Variants in PCDH15 observed in about 807,000 individuals in gnomAD.
PCDH15 encodes protocadherin-15.
In PCDH15, 129 loss-of-function variants were observed where a neutral mutation model predicts 178.5. The ratio of observed to expected loss-of-function variants is 0.72; its 90% CI spans 0.63 to 0.84. The LOEUF (loss-of-function observed/expected upper bound fraction) is 0.84, where lower values mean the gene tolerates loss of function less well. Among genes scored for constraint, PCDH15 ranks in the 40% least tolerant of loss-of-function variants. The probability of loss-of-function intolerance (pLI) is 0.00; values close to 1 mark genes in which losing one functional copy is unlikely to be tolerated. For synonymous variants in PCDH15, 800 were observed against 732.0 expected (o/e 1.09, Z -1.50); for missense variants, 2,230 against 2,099.9 (o/e 1.06, Z -1.21).
In PCDH15 at chr10:55,568,877, A is replaced by G. The variant is rs537106931; in HGVS notation, c.-156+58748T>C. ...GGTCTTAAAGCCATGTCCTCGCTGC[A>G]TCTGTCACTGCATGCAGGATTCTGG... is the stretch of plus-strand genomic sequence containing the variant. On this transcript the variant is annotated intron_variant, in intron 2 of 5. Transcript: ENST00000613346. Among the ~76,000 whole-genome samples, 5 of 152,154 alleles carry G rather than the reference A, an allele frequency of 3.3e-5. No individual in the cohort carries two copies. In the East Asian group the frequency reaches 9.7e-4, roughly 29 times the overall value.
At chr10:54,395,351 C>T (rs1477936622) in intron 3 of PCDH15, among the ~76,000 whole-genome samples, 4 of 151,274 alleles carry the variant, frequency 2.6e-5, no homozygotes, top group Non-Finnish European at 5.9e-5. Flanking sequence ...CCTGACTTCC[C>T]GCAACATAAA....
rs562135784 is a variant in PCDH15 at position 54,571,973 on chromosome 10, C to T, written c.92-44096G>A. Among the ~76,000 whole-genome samples the T allele has an allele frequency of 1.5e-3, 227 of 152,128 alleles. 1 individual carries two copies. Among genetic ancestry groups the T allele is most frequent in the African/African-American group, 5.4e-3 (223 of 41,518 alleles). ...GACAAAAATTGTAGATGAGGTCCAC[C>T]TGATCACAAATCATTTCTAAAACCA... On this transcript the variant is annotated intron_variant, in intron 2 of 37. Coordinates refer to ENST00000644397, the MANE Select transcript of PCDH15 (RefSeq NM_001384140.1).
chr10:55,623,370 G>A (rs1348374159), intron 2 of PCDH15, among the ~76,000 whole-genome samples: 1 of 151,930 alleles, frequency 6.6e-6, no homozygotes, highest in African/African-American at 2.4e-5. Context: ...AAACCTTCAG[G>A]GGAGACGTGT....
At chr10:54,311,405 T>C (rs1357728810) in intron 8 of PCDH15, among the ~76,000 whole-genome samples, 2 of 152,116 alleles carry the variant, frequency 1.3e-5, no homozygotes, top group Non-Finnish European at 2.9e-5. Context: ...GGATTTATCA[T>C]GGTTTTATCT....
chr10:55,572,962 G>A (rs1430184327), intron 2 of PCDH15, among the ~76,000 whole-genome samples: 2 of 151,992 alleles, frequency 1.3e-5, no homozygotes, highest in Non-Finnish European at 2.9e-5. Flanking sequence ...ACACTGATCT[G>A]TTTGCAGTGA....
intron 29 of PCDH15, among the ~76,000 whole-genome samples, chr10:53,833,413 T>A (rs1357516122): frequency 6.6e-6 from 1 of 152,118 alleles, no homozygotes; most frequent in Non-Finnish European, 1.5e-5. Flanking sequence ...ACACCTGATC[T>A]AGACTATCTT....
intron 7 of PCDH15, among the ~76,000 whole-genome samples, chr10:54,325,306 T>C (rs528021033): frequency 2.0e-4 from 31 of 152,228 alleles, no homozygotes; most frequent in African/African-American, 6.0e-4. Flanking sequence ...TGTTCAATAA[T>C]TTGTCATGAT....
chr10:54,576,526 T>C (rs1375194489), intron 2 of PCDH15, among the ~76,000 whole-genome samples: 2 of 152,218 alleles, frequency 1.3e-5, no homozygotes, highest in African/African-American at 4.8e-5. Context: ...TATCCGGTAT[T>C]TGTTTTTGAA....
At position 54,307,100 on chromosome 10, in the gene PCDH15, GTGTGTATATATATATATA is replaced by G. The variant is rs1387677701; in HGVS notation, c.876+10153_876+10170del. Among the ~76,000 whole-genome samples, 71 of 15,508 alleles carry G rather than the reference GTGTGTATATATATATATA, an allele frequency of 4.6e-3. 5 individuals carry two copies. Among genetic ancestry groups the G allele is most frequent in the Admixed American group, 7.1e-3 (7 of 990 alleles). The allele number at this position is 15,508 out of a possible 152,430, so 10.2% of individuals were successfully genotyped here. ...TATATACATATATATATATGTGTGT[GTGTGTATATATATATATA>G]TATATATATATATATATATATATAT... On this transcript the variant is annotated intron_variant, in intron 8 of 37. Transcript: ENST00000644397.
intron 10 of PCDH15, 121 bp downstream of exon 10, chr10:54,213,815 G>T: frequency 6.7e-5 from 41 of 616,538 alleles, no homozygotes; most frequent in Non-Finnish European, 7.1e-5. Flanking sequence ...ACAAAAAATT[G>T]ACTGACTGCT....
Position 53,806,546 on chromosome 10 carries a change from A to G in PCDH15, c.*33T>C. On this transcript the variant is annotated 3_prime_UTR_variant, in exon 38 of 38. Coordinates refer to ENST00000644397, the MANE Select transcript of PCDH15 (RefSeq NM_001384140.1). The stretch of plus-strand genomic sequence containing the variant: ...AGCACAGTTTATTAAAAATGTAAGT[A>G]AAAATTAATTAAAATATCTTTTAAA... 2.7e-6 allele frequency: 4 copies of G among 1,480,668 alleles called. No individual in the cohort carries two copies. Among genetic ancestry groups the G allele is most frequent in the South Asian group, 1.3e-5 (1 of 78,154 alleles). 91.7% of individuals were successfully genotyped at this position (1,480,668 alleles called of 1,614,324 possible). A position where few individuals can be genotyped will look rare whatever the true frequency, so the allele number is the denominator to read the frequency against.
At chr10:54,051,804 A>G (rs941810833) in intron 18 of PCDH15, among the ~76,000 whole-genome samples, 5 of 152,140 alleles carry the variant, frequency 3.3e-5, no homozygotes, top group African/African-American at 1.2e-4. Flanking sequence ...TTCCCATCAT[A>G]GGCCCAGAGG....
intron 17 of PCDH15, among the ~76,000 whole-genome samples, chr10:54,077,392 T>C (rs901986779): frequency 2.0e-5 from 3 of 152,174 alleles, no homozygotes; most frequent in African/African-American, 7.2e-5. Context: ...AAAGTATTAT[T>C]AGTAGATTGT....
chr10:55,513,549 A>C lies in PCDH15; in HGVS notation c.-156+114076T>G, dbSNP rs117725359. On this transcript the variant is annotated intron_variant, in intron 2 of 5. Coordinates refer to the PCDH15 transcript ENST00000613346. ...TACATCACAGGTGATAAAACGGATA[A>C]TGTTGGAACAATGTACATAAGTTAT... Among the ~76,000 whole-genome samples, 810 of 152,272 alleles carry C rather than the reference A, an allele frequency of 5.3e-3. 3 individuals are homozygous for C. The highest frequency in any genetic ancestry group is 8.4e-3 in the Non-Finnish European group (570 of 67,990).
intron 25 of PCDH15, among the ~76,000 whole-genome samples, chr10:53,930,177 G>A (rs900755929): frequency 2.0e-5 from 3 of 151,060 alleles, no homozygotes; most frequent in Admixed American, 6.6e-5. Flanking sequence ...CAACGCATTC[G>A]GCTGGGCGCG....
chr10:54,804,187 C>A (rs201835131), upstream of PCDH15, among the ~76,000 whole-genome samples: 7 of 152,154 alleles, frequency 4.6e-5, no homozygotes, highest in East Asian at 1.4e-3. Flanking sequence ...CTACAGGCGC[C>A]CACCACCACG....
At chr10:54,425,851 G>T (rs1956212816) in intron 3 of PCDH15, among the ~76,000 whole-genome samples, 2 of 152,064 alleles carry the variant, frequency 1.3e-5, no homozygotes, top group African/African-American at 2.4e-5. Context: ...TTTTGATTTA[G>T]AAAATGAAGT....
intron 2 of PCDH15, among the ~76,000 whole-genome samples, chr10:54,654,307 A>C (rs757688214): frequency 6.6e-6 from 1 of 151,668 alleles, no homozygotes; most frequent in Non-Finnish European, 1.5e-5. Flanking sequence ...CCCCTTATGG[A>C]AAAATAAATG....
intron 3 of PCDH15, among the ~76,000 whole-genome samples, chr10:54,422,109 T>TTC (rs1385604817): frequency 5.9e-5 from 9 of 151,698 alleles, no homozygotes; most frequent in Non-Finnish European, 1.3e-4. Flanking sequence ...TTATGAATTA[T>TTC]TGGATAGATT....
Sources: allele counts gnomAD v4.1 joint callset (sites outside exome capture counted in the v4.1 genomes callset), GRCh38; gene constraint gnomAD v4.1.1; transcripts MANE v1.5; gene names NCBI Gene and HGNC (gene_info 2026-07-23, HGNC 2026-07-21).